KDM5A: variants seen among roughly 807,000 people sequenced by gnomAD.
KDM5A encodes the protein lysine-specific demethylase 5A.
KDM5A carries 42 observed loss-of-function variants against 193.5 expected under a neutral mutation model. The observed-to-expected ratio is 0.22, with a 90% CI of 0.17 to 0.28. The LOEUF (loss-of-function observed/expected upper bound fraction) is 0.28. Ranked by LOEUF, KDM5A falls within the 10% of genes least tolerant of loss-of-function variation. The pLI is 1.00. For synonymous variants in KDM5A, 796 were observed against 718.1 expected, an observed-to-expected ratio of 1.11 and a Z score of -1.73; for missense variants, 1,692 against 2,055.1, an observed-to-expected ratio of 0.82 and a Z score of 3.42.
chr12:325,969 G>A (rs573707969), intron 14 of KDM5A, among the ~76,000 whole-genome samples: 1 of 152,300 alleles, frequency 6.6e-6, no homozygotes, highest in East Asian at 1.9e-4. Context: ...AGCTGAGATC[G>A]TGCAACTGCA....
chr12:381,581 C>T (rs192616670), intron 3 of KDM5A, among the ~76,000 whole-genome samples: 32 of 151,964 alleles, frequency 2.1e-4, no homozygotes, highest in Non-Finnish European at 1.8e-4. Flanking sequence ...AAGAAGAAAC[C>T]CACCACCCAA....
chr12:376,748 A>G (rs1381183900), intron 3 of KDM5A, among the ~76,000 whole-genome samples: 3 of 152,168 alleles, frequency 2.0e-5, no homozygotes, highest in Non-Finnish European at 2.9e-5. Flanking sequence ...TAACATACCT[A>G]AAGAACAGTC....
At chr12:335,009 C>G (rs1943910930) in intron 10 of KDM5A, among the ~76,000 whole-genome samples, 1 of 151,892 alleles carries the variant, frequency 6.6e-6, no homozygotes, top group African/African-American at 2.4e-5. Context: ...CCTAGAAATA[C>G]CGGATAAATT....
chr12:373,639 A>C (rs763057938), intron 3 of KDM5A, among the ~76,000 whole-genome samples: 7 of 151,632 alleles, frequency 4.6e-5, no homozygotes, highest in Non-Finnish European at 4.4e-5. Flanking sequence ...ATGTGTTTGT[A>C]CTTCCTTCTC....
chr12:295,868 T>G (rs1300455330), intron 25 of KDM5A, 75 bp from the exon 26 acceptor site: 1 of 1,280,384 alleles, frequency 7.8e-7, no homozygotes, highest in Non-Finnish European at 1.1e-6. Context: ...AAAGCAAATA[T>G]TGAGACTAGC....
chr12:296,604 C>T (rs915792841), intron 25 of KDM5A, among the ~76,000 whole-genome samples: 1 of 152,086 alleles, frequency 6.6e-6, no homozygotes, highest in Admixed American at 6.6e-5. Flanking sequence ...CTTGTTTTTG[C>T]TGAGGGACAG....
At chr12:345,784 T>C (rs892112897) in intron 10 of KDM5A, among the ~76,000 whole-genome samples, 1 of 152,196 alleles carries the variant, frequency 6.6e-6, no homozygotes, top group Admixed American at 6.5e-5. Context: ...GAGGGAAATT[T>C]ATAGCACTAA....
At chr12:302,275 C>T (rs147937878) in intron 24 of KDM5A, among the ~76,000 whole-genome samples, 1,555 of 152,300 alleles carry the variant, frequency 0.01, 12 homozygotes, top group Non-Finnish European at 0.017. Context: ...TCAAACTATA[C>T]TACAAGGCTA....
chr12:359,833 G>A (rs1410313893), intron 5 of KDM5A, among the ~76,000 whole-genome samples: 2 of 149,078 alleles, frequency 1.3e-5, no homozygotes, highest in African/African-American at 5.0e-5. Context: ...AAGGAGGGAG[G>A]GAGGGAGGAA....
intron 13 of KDM5A, among the ~76,000 whole-genome samples, chr12:330,991 A>T (rs1460451204): frequency 1.3e-5 from 2 of 152,204 alleles, no homozygotes; most frequent in Non-Finnish European, 2.9e-5. Flanking sequence ...TATCTACTTC[A>T]TACAAAAGCA....
chr12:316,920 A>T (rs1312257054), intron 19 of KDM5A, among the ~76,000 whole-genome samples: 1 of 152,318 alleles, frequency 6.6e-6, no homozygotes, highest in East Asian at 1.9e-4. Context: ...ATGAAGTGGA[A>T]GATACTTTAA....
At position 285,269 on chromosome 12, in the gene KDM5A, A is replaced by C; in HGVS notation, c.*187T>G. 1.6e-6 allele frequency: 1 copy of C among 613,580 alleles called. No homozygotes were observed. The highest frequency in any genetic ancestry group is 2.0e-5 in the South Asian group (1 of 50,364). 38.0% of individuals were successfully genotyped at this position (613,580 alleles called of 1,614,324 possible). ...GTACCAAAGAAGACACCCTCTGCATAGATATGTTGATAGAGAATGTAACCC... is the reference window on the plus strand; with the variant it reads ...GTACCAAAGAAGACACCCTCTGCATCGATATGTTGATAGAGAATGTAACCC... On this transcript the variant is annotated 3_prime_UTR_variant, in exon 28 of 28. Transcript: ENST00000399788.
chr12:347,656 AT>A (rs1477554719), intron 10 of KDM5A, among the ~76,000 whole-genome samples: 1 of 152,200 alleles, frequency 6.6e-6, no homozygotes, highest in African/African-American at 2.4e-5. Flanking sequence ...AAAACAAGAA[AT>A]GGGGAAAGGA....
intron 3 of KDM5A, among the ~76,000 whole-genome samples, chr12:383,436 C>CT (rs1253399580): frequency 6.6e-6 from 1 of 151,952 alleles, no homozygotes; most frequent in Non-Finnish European, 1.5e-5. Context: ...GGGCTAGTCT[C>CT]TAACTCCTAG....
chr12:382,073 A>T (rs1944580336), intron 3 of KDM5A, among the ~76,000 whole-genome samples: 1 of 152,140 alleles, frequency 6.6e-6, no homozygotes. Flanking sequence ...AGCCTCCCAA[A>T]GTGCTGGGAT....
chr12:298,718 T>A (rs1943403953), intron 24 of KDM5A, among the ~76,000 whole-genome samples: 1 of 152,000 alleles, frequency 6.6e-6, no homozygotes, highest in Admixed American at 6.5e-5. Context: ...TTGACAGAAG[T>A]AGGCTTCAGA....
chr12:353,920 CA>C (rs35599427), intron 8 of KDM5A, among the ~76,000 whole-genome samples, 155 bp downstream of exon 8: 76 of 120,722 alleles, frequency 6.3e-4, no homozygotes, highest in Admixed American at 9.5e-4. Flanking sequence ...GACACCATCT[CA>C]AAAAAAAAAA....
intron 24 of KDM5A, among the ~76,000 whole-genome samples, chr12:303,206 T>G (rs1206077822): frequency 6.6e-6 from 1 of 152,196 alleles, no homozygotes; most frequent in Non-Finnish European, 1.5e-5. Flanking sequence ...TATAGACACA[T>G]GCACACATAT....
At chr12:338,963 T>A (rs1326383231) in intron 10 of KDM5A, among the ~76,000 whole-genome samples, 2 of 152,126 alleles carry the variant, frequency 1.3e-5, no homozygotes, top group African/African-American at 4.8e-5. Flanking sequence ...GCAGATCACC[T>A]GAGGTTGGGA....
Sources: allele counts gnomAD v4.1 joint callset (sites outside exome capture counted in the v4.1 genomes callset), GRCh38; gene constraint gnomAD v4.1.1; transcripts MANE v1.5; gene names NCBI Gene and HGNC (gene_info 2026-07-23, HGNC 2026-07-21).